The following TMEM87B variants were observed in gnomAD, a reference collection of about 807,000 sequenced individuals.
TMEM87B encodes transmembrane protein 87B.
A neutral mutation model predicts 80.3 loss-of-function variants in TMEM87B; 83 were observed. That is an observed-to-expected ratio of 1.03 (90% confidence interval 0.87 to 1.24). The LOEUF is 1.24. TMEM87B is among the 50% of genes most tolerant of loss of function. The probability of loss-of-function intolerance (pLI) is 0.00; values close to 1 mark genes in which losing one functional copy is unlikely to be tolerated. For synonymous variants in TMEM87B, 219 were observed against 230.5 expected, an observed-to-expected ratio of 0.95 and a Z score of 0.45; for missense variants, 625 against 674.4, an observed-to-expected ratio of 0.93 and a Z score of 0.81.
chr2:112,112,798 T>G (rs1573732678), intron 17 of TMEM87B, 101 bp from the exon 18 acceptor site: 6 of 1,079,214 alleles, frequency 5.6e-6, no homozygotes, highest in Non-Finnish European at 6.9e-6. Flanking sequence ...TACCCAGGAG[T>G]GAGAATTAGT....
intron 8 of TMEM87B, among the ~76,000 whole-genome samples, chr2:112,082,451 A>G (rs1385997676): frequency 2.0e-5 from 3 of 152,184 alleles, no homozygotes; most frequent in Non-Finnish European, 4.4e-5. Context: ...TGGACTATAG[A>G]TGAAACAAAT....
intron 1 of TMEM87B, 73 bp from the exon 2 acceptor site, chr2:112,059,904 A>T: frequency 6.5e-7 from 1 of 1,540,414 alleles, no homozygotes; most frequent in Non-Finnish European, 8.8e-7. Context: ...TTAGAACTCT[A>T]TATGTTGTGG....
chr2:112,078,395 C>G (rs2104472516), intron 6 of TMEM87B, among the ~76,000 whole-genome samples: 1 of 152,240 alleles, frequency 6.6e-6, no homozygotes, highest in South Asian at 2.1e-4. Context: ...GATAGAAGGG[C>G]AGGAAGCACA....
intron 1 of TMEM87B, among the ~76,000 whole-genome samples, chr2:112,056,186 A>T (rs1370311889): frequency 6.6e-6 from 1 of 152,008 alleles, no homozygotes; most frequent in East Asian, 1.9e-4. Context: ...CCAGCGCTTC[A>T]GTTTCTGCAT....
chr2:112,100,116 A>G (rs931355071), intron 14 of TMEM87B, among the ~76,000 whole-genome samples: 4 of 152,140 alleles, frequency 2.6e-5, no homozygotes, highest in African/African-American at 7.2e-5. Flanking sequence ...TGTTAGTGTA[A>G]TGTAAGGTAA....
intron 4 of TMEM87B, among the ~76,000 whole-genome samples, chr2:112,072,788 A>G (rs58067802): frequency 0.074 from 10,404 of 140,252 alleles, 669 homozygotes; most frequent in African/African-American, 0.19. Context: ...GATTTTGGTT[A>G]TTTCTTGTCT....
At chr2:112,106,338 A>C (rs991967421) in intron 16 of TMEM87B, among the ~76,000 whole-genome samples, 1 of 152,156 alleles carries the variant, frequency 6.6e-6, no homozygotes, top group African/African-American at 2.4e-5. Context: ...CTTGTTAGAG[A>C]TGCAGAGTCT....
chr2:112,072,607 G>T (rs1678684105), intron 4 of TMEM87B, among the ~76,000 whole-genome samples: 1 of 152,152 alleles, frequency 6.6e-6, no homozygotes, highest in African/African-American at 2.4e-5. Context: ...TGTGGGCTCA[G>T]TGGTAACATT....
chr2:112,064,039 A>G, intron 2 of TMEM87B, 123 bp from the exon 3 acceptor site: 4 of 730,018 alleles, frequency 5.5e-6, no homozygotes, highest in Non-Finnish European at 8.8e-6. Flanking sequence ...TGGAGAAATT[A>G]GCTAATGTTT....
intron 8 of TMEM87B, among the ~76,000 whole-genome samples, chr2:112,083,789 A>G (rs933745981): frequency 6.6e-6 from 1 of 152,132 alleles, no homozygotes; most frequent in African/African-American, 2.4e-5. Context: ...GGTTTGTTCA[A>G]CTAACATTTA....
chr2:112,067,032 T>C lies in TMEM87B; in HGVS notation c.415T>C (p.Cys139Arg). ...GACAACAAAAAATGAAAACTTAGATTGCAACAGTGATTCACAGGTGTTTCC... is the reference window on the plus strand; with the variant it reads ...GACAACAAAAAATGAAAACTTAGATCGCAACAGTGATTCACAGGTGTTTCC... ...CWTTKNENLD[C>R]NSDSQVFPSL... Residue 139 changes from cysteine (C) to arginine (R), a missense_variant, in exon 4 of 19, where the codon TGC becomes CGC. Physicochemically the swap from Cys to Arg is radical, Grantham distance 180. Transcript: ENST00000283206. 6.2e-7 allele frequency: 1 copy of C among 1,611,492 alleles called. No homozygotes were observed.
chr2:112,100,151 T>G (rs1235496956), intron 14 of TMEM87B, among the ~76,000 whole-genome samples: 3 of 152,232 alleles, frequency 2.0e-5, no homozygotes, highest in African/African-American at 7.2e-5. Flanking sequence ...TAATGGCTAT[T>G]GCCAAATGAC....
intron 6 of TMEM87B, among the ~76,000 whole-genome samples, chr2:112,077,843 G>C (rs1015927605): frequency 2.0e-5 from 3 of 152,196 alleles, no homozygotes; most frequent in Non-Finnish European, 4.4e-5. Flanking sequence ...CTTGCAATAA[G>C]CAGTTTTCAA....
chr2:112,059,201 A>C (rs989207374), intron 1 of TMEM87B, among the ~76,000 whole-genome samples: 8 of 152,198 alleles, frequency 5.3e-5, no homozygotes, highest in Non-Finnish European at 1.2e-4. Flanking sequence ...CATTTAACAC[A>C]GTCTCTAACT....
Position 112,055,618 on chromosome 2 carries a change from C to T in TMEM87B, c.27C>T (p.Ala9=). Residue 9 remains alanine (A), a synonymous_variant, in exon 1 of 19, where the codon GCC becomes GCT. Coordinates refer to ENST00000283206, the MANE Select transcript of TMEM87B (RefSeq NM_032824.3). ...TGGTCGCCGCCTGCCGCTCGGTAGC[C>T]GGGCTCCTGCCACGCCGCCGCCGCT... MVAACRSV[A]GLLPRRRRCF... is the part of the protein sequence containing the mutation. 3 of 1,538,444 alleles carry T rather than the reference C, an allele frequency of 2.0e-6. No homozygotes were observed. The highest frequency in any genetic ancestry group is 8.7e-7 in the Non-Finnish European group (1 of 1,144,464).
chr2:112,055,355 C>G lies in TMEM87B; in HGVS notation c.-237C>G. On this transcript the variant is annotated 5_prime_UTR_variant, in exon 1 of 19. Coordinates refer to ENST00000283206, the MANE Select transcript of TMEM87B (RefSeq NM_032824.3). ...CTGGCTCCTATCTCTGCCTTCCAGG[C>G]ATCTCCCAGCTGCACGCTCGGGCCC... 2.0e-6 allele frequency: 1 copy of G among 512,666 alleles called. No homozygotes were observed. Among genetic ancestry groups the G allele is most frequent in the Admixed American group, 4.2e-5 (1 of 23,678 alleles). The allele number at this position is 512,666 out of a possible 1,614,324, so 31.8% of individuals were successfully genotyped here. A position where few individuals can be genotyped will look rare whatever the true frequency, so the allele number is the denominator to read the frequency against.
chr2:112,073,988 G>A (rs530125301), intron 4 of TMEM87B, among the ~76,000 whole-genome samples: 17 of 152,204 alleles, frequency 1.1e-4, no homozygotes, highest in African/African-American at 3.9e-4. Flanking sequence ...TGTGGGTGTC[G>A]TTATATGTGA....
chr2:112,059,037 T>C (rs1165666958), intron 1 of TMEM87B, among the ~76,000 whole-genome samples: 1 of 152,110 alleles, frequency 6.6e-6, no homozygotes, highest in Non-Finnish European at 1.5e-5. Context: ...CTTTAGGCAG[T>C]TGGGTATTTG....
rs1158884308 is a variant in TMEM87B, at chr2:112,066,996, G to A, written c.379G>A (p.Asp127Asn). 8 of 1,611,782 alleles carry A rather than the reference G, an allele frequency of 5.0e-6. No individual in the cohort carries two copies. Among genetic ancestry groups the A allele is most frequent in the Non-Finnish European group, 8.5e-7 (1 of 1,179,394 alleles). ...DEDFCHYLKN[D>N]NCWTTKNENL... Reference sequence around the variant, plus strand: ...AGACTTTTGTCATTATTTGAAGAATGACAACTGTTGGACAACAAAAAATGA... The same window carrying A: ...AGACTTTTGTCATTATTTGAAGAATAACAACTGTTGGACAACAAAAAATGA... The change falls in exon 4 of 19, where the codon GAC becomes AAC. Residue 127 changes from aspartate to asparagine, a missense_variant. Coordinates refer to ENST00000283206, the MANE Select transcript of TMEM87B (RefSeq NM_032824.3).
Sources: allele counts gnomAD v4.1 joint callset (sites outside exome capture counted in the v4.1 genomes callset), GRCh38; gene constraint gnomAD v4.1.1; transcripts MANE v1.5; gene names NCBI Gene and HGNC (gene_info 2026-07-23, HGNC 2026-07-21).